PLEK2: variants seen among roughly 807,000 people sequenced by gnomAD.
PLEK2 encodes the protein pleckstrin 2.
Under a neutral mutation model 43.8 loss-of-function variants are expected in PLEK2, and 29 were observed. The ratio of observed to expected loss-of-function variants is 0.66; its 90% confidence interval spans 0.49 to 0.90. PLEK2 has a LOEUF of 0.90. Among genes scored for constraint, PLEK2 ranks in the 40% least tolerant of loss-of-function variants. The pLI is 0.00. For synonymous variants in PLEK2, 162 were observed against 173.2 expected (o/e 0.94, Z 0.51); for missense variants, 398 against 448.1 (o/e 0.89, Z 1.01).
intron 8 of PLEK2, among the ~76,000 whole-genome samples, chr14:67,387,755 C>A (rs773992466): frequency 2.6e-5 from 4 of 152,186 alleles, no homozygotes; most frequent in Non-Finnish European, 5.9e-5. Context: ...TCATTTACAT[C>A]AAAGAATCCA....
intron 1 of PLEK2, among the ~76,000 whole-genome samples, chr14:67,402,268 C>A (rs2086053349): frequency 6.6e-6 from 1 of 152,088 alleles, no homozygotes; most frequent in South Asian, 2.1e-4. Context: ...GTAATTTTTA[C>A]TTTAAATTTT....
chr14:67,407,555 C>G (rs896698320), intron 1 of PLEK2, among the ~76,000 whole-genome samples: 8 of 152,028 alleles, frequency 5.3e-5, no homozygotes, highest in Non-Finnish European at 1.0e-4. Flanking sequence ...ATTCTCCCAT[C>G]TCAGCCTCCC....
intron 5 of PLEK2, 57 bp downstream of exon 5, chr14:67,392,605 G>T: frequency 6.6e-7 from 1 of 1,505,102 alleles, no homozygotes; most frequent in Non-Finnish European, 9.2e-7. Context: ...CCCCCATTCT[G>T]TTGTGTCTTC....
intron 1 of PLEK2, 78 bp downstream of exon 1, chr14:67,411,940 C>T: frequency 2.3e-6 from 3 of 1,313,274 alleles, no homozygotes; most frequent in South Asian, 1.3e-5. Flanking sequence ...TTCCGGGGCG[C>T]GCGTCTGGCC....
intron 6 of PLEK2, 98 bp downstream of exon 6, chr14:67,392,228 C>T: frequency 1.2e-6 from 1 of 844,386 alleles, no homozygotes; most frequent in Non-Finnish European, 2.0e-6. Context: ...AATTGGTGCC[C>T]TCCAGCAGCC....
At chr14:67,406,689 G>C (rs757460413) in intron 1 of PLEK2, among the ~76,000 whole-genome samples, 4 of 152,212 alleles carry the variant, frequency 2.6e-5, no homozygotes, top group Non-Finnish European at 5.9e-5. Context: ...AAGGAAGCAG[G>C]TGAGACTGGA....
intron 1 of PLEK2, among the ~76,000 whole-genome samples, chr14:67,403,813 A>G (rs2086062842): frequency 1.3e-5 from 2 of 152,220 alleles, no homozygotes; most frequent in South Asian, 4.1e-4. Context: ...GCACTTTGGG[A>G]GGCCAAGGAG....
At chr14:67,397,988 A>G (rs77510191) in intron 1 of PLEK2, 162 bp from the exon 2 acceptor site, 11,311 of 512,390 alleles carry the variant, frequency 0.022, 172 homozygotes, top group Non-Finnish European at 0.028. Context: ...AGTACGTAGC[A>G]AAGACCTTTG....
intron 1 of PLEK2, among the ~76,000 whole-genome samples, chr14:67,398,465 C>A (rs536017939): frequency 1.3e-5 from 2 of 152,310 alleles, no homozygotes; most frequent in South Asian, 2.1e-4. Flanking sequence ...TGAGAGCCAC[C>A]TAAACTACCC....
intron 1 of PLEK2, among the ~76,000 whole-genome samples, chr14:67,410,798 A>T (rs907465222): frequency 6.6e-6 from 1 of 152,186 alleles, no homozygotes; most frequent in Non-Finnish European, 1.5e-5. Context: ...CCCTGGATTT[A>T]TATGTCTCTT....
intron 6 of PLEK2, among the ~76,000 whole-genome samples, chr14:67,391,753 G>A (rs1327223516): frequency 2.0e-5 from 3 of 152,194 alleles, no homozygotes; most frequent in East Asian, 1.9e-4. Flanking sequence ...TAGGAATGCC[G>A]CAGGACACGG....
In PLEK2 at chr14:67,412,020, T is replaced by G. The variant is rs779371889; in HGVS notation, c.40A>C (p.Arg14=). 140 of 1,555,334 alleles carry G rather than the reference T, an allele frequency of 9.0e-5. No individual in the cohort carries two copies. The highest frequency in any genetic ancestry group is 1.2e-4 in the Non-Finnish European group (136 of 1,153,214). The change falls in exon 1 of 9, where the codon AGG becomes CGG. Residue 14 remains arginine, a splice_region_variant and synonymous_variant. Transcript: ENST00000216446. The part of the protein sequence containing the change: ...GVLKEGFLVK[R]GHIVHNWKAR... ...CCCGAAGCTCGACGCGCACTCACCC[T>G]CTTGACCAGGAAGCCCTCCTTGAGC...
chr14:67,395,235 G>A (rs965647403), intron 3 of PLEK2, among the ~76,000 whole-genome samples, 167 bp downstream of exon 3: 2 of 152,238 alleles, frequency 1.3e-5, no homozygotes, highest in African/African-American at 2.4e-5. Flanking sequence ...CTCCCAAGCA[G>A]AGAAAATAAT....
At chr14:67,402,516 T>C (rs2139881477) in intron 1 of PLEK2, among the ~76,000 whole-genome samples, 2 of 152,264 alleles carry the variant, frequency 1.3e-5, no homozygotes, top group Non-Finnish European at 2.9e-5. Context: ...TAGTAAGTCT[T>C]TCTCATTCTT....
chr14:67,403,391 T>A (rs933949860), intron 1 of PLEK2, among the ~76,000 whole-genome samples: 2 of 152,238 alleles, frequency 1.3e-5, no homozygotes, highest in Non-Finnish European at 2.9e-5. Flanking sequence ...GAGTCAGCAG[T>A]GATGCTTCTA....
rs113884366 is a variant in PLEK2, at chr14:67,393,151, G to T, written c.480C>A (p.Leu160=). 4.4e-6 allele frequency: 7 copies of T among 1,608,610 alleles called. No homozygotes were observed. The African/African-American group carries it at 6.7e-5, about 15-fold the overall frequency. The change falls in exon 4 of 9, where the codon CTC becomes CTA. Residue 160 remains leucine (L), a splice_region_variant and synonymous_variant. Coordinates refer to ENST00000216446, the MANE Select transcript of PLEK2 (RefSeq NM_016445.3). ...EQGSTYKKTF[L]GSSLVDWLIS... Reference sequence around the variant, plus strand: ...CCCGGCCCTGGGGGACAGGCTCACCGAGGAAGGTCTTTTTATAGGTGCTTC... The same window carrying T: ...CCCGGCCCTGGGGGACAGGCTCACCTAGGAAGGTCTTTTTATAGGTGCTTC...
intron 1 of PLEK2, among the ~76,000 whole-genome samples, chr14:67,399,428 G>C (rs1281465766): frequency 6.7e-6 from 1 of 149,194 alleles, no homozygotes; most frequent in African/African-American, 2.5e-5. Flanking sequence ...ATAAAGAGAA[G>C]GGTAGTTTAG....
chr14:67,395,789 CT>C (rs2086004246), intron 2 of PLEK2, among the ~76,000 whole-genome samples: 1 of 152,182 alleles, frequency 6.6e-6, no homozygotes, highest in Admixed American at 6.5e-5. Context: ...CAGCCTTTCC[CT>C]TGTGGACAAG....
At chr14:67,407,967 T>C (rs779953614) in intron 1 of PLEK2, among the ~76,000 whole-genome samples, 2 of 151,732 alleles carry the variant, frequency 1.3e-5, no homozygotes, top group Non-Finnish European at 2.9e-5. Flanking sequence ...CTGGGTAACA[T>C]ACTGAGACAT....
Sources: allele counts gnomAD v4.1 joint callset (sites outside exome capture counted in the v4.1 genomes callset), GRCh38; gene constraint gnomAD v4.1.1; transcripts MANE v1.5; gene names NCBI Gene and HGNC (gene_info 2026-07-23, HGNC 2026-07-21).